Variants in RYR3 observed in about 807,000 individuals in gnomAD.
RYR3 encodes brain ryanodine receptor-calcium release channel.
Under a neutral mutation model 584.3 loss-of-function variants are expected in RYR3, and 207 were observed. The ratio of observed to expected loss-of-function variants is 0.35; its 90% CI spans 0.32 to 0.40. RYR3 has a LOEUF of 0.40. Ranked by LOEUF, RYR3 falls within the 10% of genes least tolerant of loss-of-function variation. RYR3 has a pLI of 1.00. For synonymous variants in RYR3, 2,416 were observed against 2,248.5 expected (o/e 1.07, Z -2.11); for missense variants, 5,616 against 6,089.2 (o/e 0.92, Z 2.59).
intron 75 of RYR3, among the ~76,000 whole-genome samples, 163 bp from the exon 76 acceptor site, chr15:33,818,415 T>C (rs961240651): frequency 2.1e-4 from 32 of 152,240 alleles, no homozygotes; most frequent in African/African-American, 6.5e-4. Flanking sequence ...CTCGCACCTT[T>C]AGGGCTTCTA....
chr15:33,659,176 C>T (rs749030323), intron 32 of RYR3, among the ~76,000 whole-genome samples: 6 of 152,250 alleles, frequency 3.9e-5, no homozygotes, highest in East Asian at 1.9e-4. Context: ...TGGCGCCCAC[C>T]GCAAAAAGCT....
At chr15:33,721,454 A>T (rs1319336796) in intron 43 of RYR3, among the ~76,000 whole-genome samples, 6 of 152,196 alleles carry the variant, frequency 3.9e-5, no homozygotes, top group Non-Finnish European at 7.4e-5. Context: ...TTTTGAGGGA[A>T]TTTTTTGCAC....
At chr15:33,562,808 A>G (rs752282982) in intron 10 of RYR3, 29 bp from the exon 11 acceptor site, 24 of 1,560,572 alleles carry the variant, frequency 1.5e-5, no homozygotes, top group Middle Eastern at 1.7e-4. Context: ...AGCTATGCCT[A>G]TGTTTGTTTC....
intron 51 of RYR3, among the ~76,000 whole-genome samples, chr15:33,740,923 G>T (rs1284972434): frequency 6.6e-6 from 1 of 152,246 alleles, no homozygotes; most frequent in Non-Finnish European, 1.5e-5. Context: ...TGAAACTGCT[G>T]TTAAGTAAGA....
intron 18 of RYR3, among the ~76,000 whole-genome samples, chr15:33,608,991 A>T (rs2152563292): frequency 6.6e-6 from 1 of 152,352 alleles, no homozygotes; most frequent in East Asian, 1.9e-4. Context: ...GCCCTGCTGC[A>T]GATGAAGAGC....
intron 11 of RYR3, among the ~76,000 whole-genome samples, chr15:33,565,498 A>T (rs768467219): frequency 5.9e-5 from 9 of 152,204 alleles, no homozygotes; most frequent in Non-Finnish European, 8.8e-5. Flanking sequence ...AAAGGAAGAG[A>T]TGTTTCACAT....
intron 10 of RYR3, among the ~76,000 whole-genome samples, chr15:33,561,846 C>T (rs2057419542): frequency 6.6e-6 from 1 of 151,288 alleles, no homozygotes; most frequent in African/African-American, 2.4e-5. Context: ...TTGCAGTGAG[C>T]CAAGATTGTA....
chr15:33,750,206 T>C lies in RYR3; in HGVS notation c.8319T>C (p.Thr2773=). The C allele has an allele frequency of 1.2e-6, 2 of 1,609,698 alleles. No homozygotes were observed. The highest frequency in any genetic ancestry group is 1.7e-6 in the Non-Finnish European group (2 of 1,178,028). The change falls in exon 57 of 104, where the codon ACT becomes ACC. Residue 2773 remains threonine, a synonymous_variant. Transcript: ENST00000634891. ...TTCTGGTACCATATGACACCTTGAC[T>C]GCCAAGGAAAAGTTCAAGGACCGGG... The part of the protein sequence containing the change: ...HPLLVPYDTL[T]AKEKFKDREK...
chr15:33,706,911 T>A lies in RYR3; in HGVS notation c.6484-8T>A, dbSNP rs185801690. 5.0e-5 allele frequency: 79 copies of A among 1,594,914 alleles called. No homozygotes were observed. The East Asian group carries it at 1.2e-3, about 24-fold the overall frequency. ...TGCGAAAGAACACTTTTGTACTGTT[T>A]CTGGCAGGTGGTGACCTACTTGGCA... On this transcript the variant is annotated splice_polypyrimidine_tract_variant and splice_region_variant and intron_variant, in intron 42 of 103. Transcript: ENST00000634891.
intron 1 of RYR3, among the ~76,000 whole-genome samples, chr15:33,404,020 T>A (rs2042855419): frequency 6.6e-6 from 1 of 152,224 alleles, no homozygotes; most frequent in African/African-American, 2.4e-5. Context: ...TATGGGTACA[T>A]CTTGCTTATA....
intron 1 of RYR3, among the ~76,000 whole-genome samples, chr15:33,372,358 ATTTTTTTTTTTTTT>A: frequency 1.3e-5 from 1 of 75,570 alleles, no homozygotes; most frequent in Admixed American, 1.6e-4. Context: ...TGCCCGGCTA[ATTTTTTTTTTTTTT>A]TTTTTTTTTT....
At chr15:33,621,520 A>G (rs1275400495) in intron 19 of RYR3, among the ~76,000 whole-genome samples, 2 of 152,204 alleles carry the variant, frequency 1.3e-5, no homozygotes, top group African/African-American at 4.8e-5. Flanking sequence ...CTGCAGGCTA[A>G]TGACTCAATT....
intron 1 of RYR3, among the ~76,000 whole-genome samples, chr15:33,422,654 G>A (rs1232837765): frequency 6.6e-6 from 1 of 152,094 alleles, no homozygotes; most frequent in Non-Finnish European, 1.5e-5. Flanking sequence ...CAGAGAGAGA[G>A]AGGAGAGAAC....
intron 3 of RYR3, among the ~76,000 whole-genome samples, chr15:33,521,500 A>G (rs1258332557): frequency 6.6e-6 from 1 of 152,188 alleles, no homozygotes; most frequent in Non-Finnish European, 1.5e-5. Flanking sequence ...GGGAATGGTA[A>G]ATTTGACATT....
chr15:33,684,214 C>T (rs2064832475), intron 38 of RYR3, among the ~76,000 whole-genome samples: 1 of 152,228 alleles, frequency 6.6e-6, no homozygotes, highest in African/African-American at 2.4e-5. Context: ...TGTAGCCTAA[C>T]TGGGAGACAC....
intron 86 of RYR3, among the ~76,000 whole-genome samples, chr15:33,831,819 TTCA>T (rs2077695267): frequency 6.6e-6 from 1 of 152,188 alleles, no homozygotes; most frequent in Admixed American, 6.5e-5. Context: ...ATACTTCATC[TTCA>T]GATTACCATA....
At chr15:33,704,312 G>T (rs961465377) in intron 42 of RYR3, among the ~76,000 whole-genome samples, 1 of 151,682 alleles carries the variant, frequency 6.6e-6, no homozygotes, top group Non-Finnish European at 1.5e-5. Context: ...AAAAAAATCT[G>T]CTGAAAGAAG....
At chr15:33,318,371 A>G (rs1256199698) in intron 1 of RYR3, among the ~76,000 whole-genome samples, 1 of 152,232 alleles carries the variant, frequency 6.6e-6, no homozygotes, top group East Asian at 1.9e-4. Flanking sequence ...TGTCTTTGGG[A>G]TAAAGCACTG....
intron 36 of RYR3, among the ~76,000 whole-genome samples, chr15:33,665,177 A>G (rs2063427492): frequency 6.6e-6 from 1 of 152,226 alleles, no homozygotes; most frequent in Admixed American, 6.5e-5. Context: ...TGAATAACAG[A>G]AGATACAATG....
Sources: gnomAD v4.1 joint callset for allele counts (sites outside exome capture counted in the v4.1 genomes callset) on GRCh38, gnomAD v4.1.1 for gene constraint, MANE v1.5 for transcripts, NCBI Gene and HGNC (gene_info 2026-07-23, HGNC 2026-07-21) for gene names.